MGAT5: variants seen among roughly 807,000 people sequenced by gnomAD.
MGAT5 encodes the protein alpha-1,6-mannosylglycoprotein 6-beta-N-acetylglucosaminyltransferase A.
Under a neutral mutation model 94.3 loss-of-function variants are expected in MGAT5, and 30 were observed. The ratio of observed to expected loss-of-function variants is 0.32; its 90% CI spans 0.24 to 0.43. The LOEUF (loss-of-function observed/expected upper bound fraction) is 0.43, where lower values mean the gene tolerates loss of function less well. Among genes scored for constraint, MGAT5 ranks in the 20% least tolerant of loss-of-function variants. MGAT5 has a pLI of 1.00. For missense variants in MGAT5, 691 were observed against 905.5 expected (o/e 0.76, Z 3.04); for synonymous variants, 310 against 322.9 (o/e 0.96, Z 0.43).
chr2:134,237,148 TGC>T (rs145166543), intron 1 of MGAT5, among the ~76,000 whole-genome samples: 1 of 140,744 alleles, frequency 7.1e-6, no homozygotes, highest in Non-Finnish European at 1.5e-5. Flanking sequence ...TGTGTGTGTG[TGC>T]GCGTGTGTGT....
intron 1 of MGAT5, among the ~76,000 whole-genome samples, chr2:134,255,322 G>T (rs1232013747): frequency 6.6e-6 from 1 of 151,546 alleles, no homozygotes; most frequent in Non-Finnish European, 1.5e-5. Context: ...TTTCTTTTAT[G>T]TTTAATATAG....
intron 12 of MGAT5, among the ~76,000 whole-genome samples, chr2:134,419,124 TTAAG>T (rs573821293): frequency 6.6e-6 from 1 of 152,374 alleles, no homozygotes; most frequent in African/African-American, 2.4e-5. Context: ...ATCTTTCATA[TTAAG>T]TAATAATTGA....
chr2:134,244,209 T>G (rs926861856), intron 1 of MGAT5, among the ~76,000 whole-genome samples: 5 of 152,216 alleles, frequency 3.3e-5, no homozygotes, highest in African/African-American at 1.2e-4. Flanking sequence ...TCACAGATGA[T>G]TCTTTCTTTC....
chr2:134,354,072 G>A (rs148071053), intron 9 of MGAT5, among the ~76,000 whole-genome samples: 2 of 152,240 alleles, frequency 1.3e-5, no homozygotes, highest in East Asian at 3.9e-4. Flanking sequence ...GGCTATTTTA[G>A]TGGTCTGAAG....
chr2:134,300,073 G>A (rs1409462633), intron 2 of MGAT5, among the ~76,000 whole-genome samples: 1 of 152,182 alleles, frequency 6.6e-6, no homozygotes, highest in Non-Finnish European at 1.5e-5. Flanking sequence ...CAGAAGTAAA[G>A]TGAAGATTAA....
chr2:134,152,415 C>T (rs1250051966), intron 1 of MGAT5, among the ~76,000 whole-genome samples: 3 of 146,618 alleles, frequency 2.0e-5, no homozygotes, highest in African/African-American at 7.6e-5. Context: ...TGGGACCCGC[C>T]CACCGCCATG....
In MGAT5 at chr2:134,422,912, A is replaced by G. The variant is rs779447638; in HGVS notation, c.1787A>G (p.Asn596Ser). Residue 596 changes from asparagine (N) to serine (S), a missense_variant, in exon 13 of 16, where the codon AAT (asparagine) becomes AGT (serine). Asn to Ser is a conservative substitution (Grantham distance 46, BLOSUM62 1). This residue lies in a region of MGAT5 where 260 missense variants were observed against 347.0 expected (regional missense o/e 0.75). Transcript: ENST00000281923. The stretch of plus-strand genomic sequence containing the variant: ...GAGGATGCAGTGAAAGCAATTTTAA[A>G]TCAGAAGGTTGGTTCATTTTATTCC... ...EVEDAVKAIL[N>S]QKIEPYMPYE... 1.9e-6 allele frequency: 3 copies of G among 1,611,922 alleles called. No homozygotes were observed. The highest frequency in any genetic ancestry group is 3.3e-4 in the Middle Eastern group (2 of 6,056).
At chr2:134,236,503 G>A (rs989656378) in intron 1 of MGAT5, among the ~76,000 whole-genome samples, 1 of 152,156 alleles carries the variant, frequency 6.6e-6, no homozygotes, top group Admixed American at 6.5e-5. Flanking sequence ...TCTCATGATA[G>A]TGAGTTCTTA....
chr2:134,219,491 C>A (rs1284877205), intron 1 of MGAT5, among the ~76,000 whole-genome samples: 4 of 152,078 alleles, frequency 2.6e-5, no homozygotes, highest in African/African-American at 9.7e-5. Flanking sequence ...AATTATTGCA[C>A]CCTAATGCTT....
At position 134,341,244 on chromosome 2, in the gene MGAT5, G is replaced by A. The variant is rs545469364; in HGVS notation, c.808-346G>A. ...AATTTTCCATGGTAAGAGGTTAGAA[G>A]TATTTTAGCTGTAGATAAAAGACCA... On this transcript the variant is annotated intron_variant, in intron 6 of 15. Transcript: ENST00000281923. Among the ~76,000 whole-genome samples, 9 of 150,220 alleles carry A rather than the reference G, an allele frequency of 6.0e-5. No individual in the cohort carries two copies. In the South Asian group the frequency reaches 1.9e-3, roughly 32 times the overall value.
At position 134,254,624 on chromosome 2, in the gene MGAT5, C is replaced by T. The variant is rs1682817199; in HGVS notation, c.221C>T (p.Ala74Val). ...AGGAATGTGGTGGATGGGCCATACG[C>T]TGGAGTCATGACAGCTTATGGTAAG... ...ENRNVVDGPYAGVMTAYDLKK... is the reference protein window; with the variant it reads ...ENRNVVDGPYVGVMTAYDLKK... The change falls in exon 1 of 16, where the codon GCT (alanine) becomes GTT (valine). Residue 74 changes from alanine (A) to valine (V), a missense_variant. Physicochemically the swap from Ala to Val is moderately conservative, Grantham distance 64 (BLOSUM62 0). Transcript: ENST00000281923. 1 of 1,614,236 alleles carries T rather than the reference C, an allele frequency of 6.2e-7. No individual in the cohort carries two copies. Among genetic ancestry groups the T allele is most frequent in the Non-Finnish European group, 8.5e-7 (1 of 1,180,036 alleles).
intron 1 of MGAT5, among the ~76,000 whole-genome samples, chr2:134,189,584 T>C (rs1181922450): frequency 1.4e-5 from 2 of 144,712 alleles, no homozygotes; most frequent in African/African-American, 2.6e-5. Context: ...ACTAACCTCA[T>C]GGCTCTAGTT....
intron 1 of MGAT5, among the ~76,000 whole-genome samples, chr2:134,157,320 T>C (rs1012530665): frequency 2.6e-5 from 4 of 152,212 alleles, no homozygotes; most frequent in Non-Finnish European, 5.9e-5. Flanking sequence ...GTACTATCTT[T>C]GCAACTTTTC....
chr2:134,138,111 C>T (rs1686501017), intron 1 of MGAT5, among the ~76,000 whole-genome samples: 2 of 152,062 alleles, frequency 1.3e-5, no homozygotes, highest in South Asian at 4.2e-4. Context: ...CCACCTCAGC[C>T]TCCCAAAGTC....
chr2:134,350,413 G>A lies in MGAT5; in HGVS notation c.1246+475G>A, dbSNP rs1679306376. Reference sequence around the variant, plus strand: ...TAAAAATGGAGCTGTTTTAAACTCAGTTTTGTATTTTACTGATTTTTTTCA... The same window carrying A: ...TAAAAATGGAGCTGTTTTAAACTCAATTTTGTATTTTACTGATTTTTTTCA... On this transcript the variant is annotated intron_variant, in intron 9 of 15. Transcript: ENST00000281923. Among the ~76,000 whole-genome samples, 4 of 152,144 alleles carry A rather than the reference G, an allele frequency of 2.6e-5. No individual in the cohort carries two copies. The South Asian group carries it at 8.3e-4, about 32-fold the overall frequency.
In MGAT5 at chr2:134,123,817, G is replaced by A. The variant is rs572809172; in HGVS notation, c.-143+3526G>A. ...GGATTGCTATCTGGGTGACAATTGG[G>A]TGATAGGGTGAGAAATAAATAAGCA... On this transcript the variant is annotated intron_variant, in intron 1 of 16. Coordinates refer to the MGAT5 transcript ENST00000409645. Among the ~76,000 whole-genome samples, 130 of 152,276 alleles carry A rather than the reference G, an allele frequency of 8.5e-4. 1 individual carries two copies. The highest frequency in any genetic ancestry group is 2.6e-3 in the African/African-American group (109 of 41,544).
intron 10 of MGAT5, among the ~76,000 whole-genome samples, chr2:134,396,746 G>A (rs1278179837): frequency 2.0e-5 from 3 of 152,148 alleles, no homozygotes; most frequent in Non-Finnish European, 4.4e-5. Flanking sequence ...CTGAGCGCTC[G>A]CTCGCCCTGT....
chr2:134,429,645 G>A (rs41324844), intron 14 of MGAT5, among the ~76,000 whole-genome samples: 13,386 of 152,202 alleles, frequency 0.088, 649 homozygotes, highest in Middle Eastern at 0.15. Flanking sequence ...ATGCAAACTG[G>A]TACTGTTGAT....
upstream of MGAT5, among the ~76,000 whole-genome samples, chr2:134,251,480 G>A (rs1442411243): frequency 6.6e-6 from 1 of 152,228 alleles, no homozygotes; most frequent in African/African-American, 2.4e-5. Context: ...TTGTGCCACT[G>A]TGGTCAGTGC....
Sources: allele counts gnomAD v4.1 joint callset (sites outside exome capture counted in the v4.1 genomes callset), GRCh38; gene constraint gnomAD v4.1.1; regional missense constraint gnomAD v4.1.1; transcripts MANE v1.5; gene names NCBI Gene and HGNC (gene_info 2026-07-23, HGNC 2026-07-21).